Variants in STUM observed in about 807,000 individuals in gnomAD.
The protein encoded by STUM is stum, mechanosensory transduction mediator homolog, also known as protein stum homolog.
A neutral mutation model predicts 15.3 loss-of-function variants in STUM; 8 were observed. That is an observed-to-expected ratio of 0.52 (90% CI 0.31 to 0.94). The LOEUF (loss-of-function observed/expected upper bound fraction) is 0.94. STUM is among the 40% of genes least tolerant of loss of function. The pLI is 0.05. For synonymous variants in STUM, 78 were observed against 88.7 expected (o/e 0.88, Z 0.68); for missense variants, 142 against 204.9 (o/e 0.69, Z 1.87).
intron 1 of STUM, among the ~76,000 whole-genome samples, chr1:226,571,118 C>T (rs995489475): frequency 2.6e-5 from 4 of 152,088 alleles, no homozygotes; most frequent in Admixed American, 2.0e-4. Context: ...GTAATCCCAT[C>T]TATTCGGGAG....
chr1:226,549,257 C>A lies in STUM; in HGVS notation c.202+151C>A. 1.5e-6 allele frequency: 1 copy of A among 663,450 alleles called. No individual in the cohort carries two copies. Among genetic ancestry groups the A allele is most frequent in the Non-Finnish European group, 2.4e-6 (1 of 413,362 alleles). 41.1% of individuals were successfully genotyped at this position (663,450 alleles called of 1,614,324 possible). Reference sequence around the variant, plus strand: ...ACCGCCCGCTCCTGGCGTCCCCGGGCAGGTGGCAGAAGCGCGTGGAGTGTG... The same window carrying A: ...ACCGCCCGCTCCTGGCGTCCCCGGGAAGGTGGCAGAAGCGCGTGGAGTGTG... On this transcript the variant is annotated intron_variant, in intron 1 of 3. Transcript: ENST00000366788. This position sits in a 1 kb window ranked among gnomAD's most constrained non-coding sequence, Gnocchi z 6.8.
At chr1:226,572,299 C>T (rs1175549205) in intron 1 of STUM, among the ~76,000 whole-genome samples, 3 of 152,174 alleles carry the variant, frequency 2.0e-5, no homozygotes, top group South Asian at 4.1e-4. Context: ...GGGCTTTTTT[C>T]AGTCTGTTTT....
rs565721735 is a variant in STUM at position 226,560,700 on chromosome 1, G to A, written c.202+11594G>A. Among the ~76,000 whole-genome samples the A allele has an allele frequency of 6.6e-5, 10 of 152,276 alleles. No individual in the cohort carries two copies. The South Asian group carries it at 1.0e-3, about 16-fold the overall frequency. On this transcript the variant is annotated intron_variant, in intron 1 of 3. Coordinates refer to ENST00000366788, the MANE Select transcript of STUM (RefSeq NM_001003665.4). ...AGGCCAAGCTGCAGAAGGGAGCGCC[G>A]ACAGCAGATCAAATGGAAGTGGGTC...
At chr1:226,580,317 A>G (rs545591142) in intron 1 of STUM, among the ~76,000 whole-genome samples, 30 of 152,126 alleles carry the variant, frequency 2.0e-4, no homozygotes, top group Non-Finnish European at 4.0e-4. Context: ...GAAATATCCC[A>G]GAAGAGGTGT....
At position 226,549,402 on chromosome 1, in the gene STUM, T is replaced by C. The variant is rs1667333392; in HGVS notation, c.202+296T>C. On this transcript the variant is annotated intron_variant, in intron 1 of 3. Coordinates refer to ENST00000366788, the MANE Select transcript of STUM (RefSeq NM_001003665.4). This position sits in a 1 kb window ranked among gnomAD's most constrained non-coding sequence, Gnocchi z 6.8. ...GGCGGCCGGAATGGCTCTGCCGGCT[T>C]CGGAGTAGGGCTCCCGTCCCGGCGC... Among the ~76,000 whole-genome samples, 1 of 152,174 alleles carries C rather than the reference T, an allele frequency of 6.6e-6. No homozygotes were observed. The highest frequency in any genetic ancestry group is 1.5e-5 in the Non-Finnish European group (1 of 68,012).
At position 226,565,849 on chromosome 1, in the gene STUM, C is replaced by T. The variant is rs904511921; in HGVS notation, c.202+16743C>T. 6.6e-6 allele frequency among the ~76,000 whole-genome samples: 1 copy of T among 152,232 alleles called. No individual in the cohort carries two copies. The highest frequency in any genetic ancestry group is 6.5e-5 in the Admixed American group (1 of 15,288). ...CCCAGATGGCTGGAAGCATCGCTGCCTTCCCGGAATGTCATCTCCCTCTTT... is the reference window on the plus strand; with the variant it reads ...CCCAGATGGCTGGAAGCATCGCTGCTTTCCCGGAATGTCATCTCCCTCTTT... On this transcript the variant is annotated intron_variant, in intron 1 of 3. Transcript: ENST00000366788. This position sits in a 1 kb window ranked among gnomAD's most constrained non-coding sequence, Gnocchi z 4.4.
rs73098828 is a variant in STUM, at chr1:226,587,385, G to A, written c.203-9417G>A. Reference sequence around the variant, plus strand: ...TGTGGCATCCAAGAAGGCTCCTGTCGTCTTTCCTTTATGCCAGTTGGAAAA... The same window carrying A: ...TGTGGCATCCAAGAAGGCTCCTGTCATCTTTCCTTTATGCCAGTTGGAAAA... On this transcript the variant is annotated intron_variant, in intron 1 of 3. Coordinates refer to ENST00000366788, the MANE Select transcript of STUM (RefSeq NM_001003665.4). Among the ~76,000 whole-genome samples the A allele has an allele frequency of 3.9e-3, 592 of 152,184 alleles. 5 individuals are homozygous for A. Among genetic ancestry groups the A allele is most frequent in the African/African-American group, 0.013 (547 of 41,498 alleles).
Position 226,608,873 on chromosome 1 carries a change from C to G in STUM, c.*6833C>G, listed in dbSNP as rs1278598216. On this transcript the variant is annotated 3_prime_UTR_variant, in exon 4 of 4. Transcript: ENST00000366788. This position sits in a 1 kb window ranked among gnomAD's most constrained non-coding sequence, Gnocchi z 4.0. ...CCTCAGGACCCAGCCCCAGCCCCGG[C>G]AGACCTTCCCTGGGAGCTGCTTAGG... is the stretch of plus-strand genomic sequence containing the variant. 6.6e-6 allele frequency: 1 copy of G among 152,362 alleles called. No individual in the cohort carries two copies. The highest frequency in any genetic ancestry group is 6.5e-5 in the Admixed American group (1 of 15,288). 9.4% of individuals were successfully genotyped at this position (152,362 alleles called of 1,614,324 possible).
At chr1:226,585,111 G>A (rs1305369638) in intron 1 of STUM, among the ~76,000 whole-genome samples, 1 of 152,200 alleles carries the variant, frequency 6.6e-6, no homozygotes, top group Non-Finnish European at 1.5e-5. Flanking sequence ...GCGGCATAGG[G>A]ATGAGTGCCT....
chr1:226,600,797 G>A lies in STUM; in HGVS notation c.391+123G>A. 9.2e-7 allele frequency: 1 copy of A among 1,081,676 alleles called. No individual in the cohort carries two copies. Among genetic ancestry groups the A allele is most frequent in the Non-Finnish European group, 1.4e-6 (1 of 725,842 alleles). The allele number at this position is 1,081,676 out of a possible 1,614,324, so 67.0% of individuals were successfully genotyped here. ...TCCCAGTGGGTCAATGGGCTTTTAT[G>A]TTTAGCTTGAACTTTTGGTTTGGAA... On this transcript the variant is annotated intron_variant, in intron 3 of 3. Transcript: ENST00000366788. The surrounding 1 kb of genome is among the most constrained non-coding windows in gnomAD (Gnocchi z 5.2).
chr1:226,587,587 A>T (rs952161053), intron 1 of STUM, among the ~76,000 whole-genome samples: 1 of 151,964 alleles, frequency 6.6e-6, no homozygotes, highest in Non-Finnish European at 1.5e-5. Flanking sequence ...AACCCTTAGC[A>T]TTTACCCGAG....
chr1:226,581,981 G>T (rs528319729), intron 1 of STUM, among the ~76,000 whole-genome samples: 63 of 152,156 alleles, frequency 4.1e-4, no homozygotes, highest in Non-Finnish European at 3.8e-4. Flanking sequence ...ATTCCTAACT[G>T]CAGCCTTCTG....
In STUM at chr1:226,606,584, G is replaced by C. The variant is rs1311114264; in HGVS notation, c.*4544G>C. The C allele has an allele frequency of 6.6e-6, 1 of 152,198 alleles. No homozygotes were observed. Among genetic ancestry groups the C allele is most frequent in the African/African-American group, 2.4e-5 (1 of 41,452 alleles). The allele number at this position is 152,198 out of a possible 1,614,324, so 9.4% of individuals were successfully genotyped here. A position where few individuals can be genotyped will look rare whatever the true frequency, so the allele number is the denominator to read the frequency against. On this transcript the variant is annotated 3_prime_UTR_variant, in exon 4 of 4. Transcript: ENST00000366788. The stretch of plus-strand genomic sequence containing the variant: ...TTACTGTTATCCCTCCCTCTTGCTG[G>C]CTTTGCTGGAGGGCTTTTATCAGAG...
Position 226,552,259 on chromosome 1 carries a change from GAGA to G in STUM, c.202+3156_202+3158del, listed in dbSNP as rs1667385291. ...TGTCTCCTAGGGAGTGGCTGGAAAG[GAGA>G]AGTGATTTATGATCACTCCAACTCC... On this transcript the variant is annotated intron_variant, in intron 1 of 3. Coordinates refer to ENST00000366788, the MANE Select transcript of STUM (RefSeq NM_001003665.4). This position sits in a 1 kb window ranked among gnomAD's most constrained non-coding sequence, Gnocchi z 4.7. Among the ~76,000 whole-genome samples, 1 of 152,024 alleles carries G rather than the reference GAGA, an allele frequency of 6.6e-6. No homozygotes were observed. The highest frequency in any genetic ancestry group is 1.5e-5 in the Non-Finnish European group (1 of 68,016).
intron 1 of STUM, among the ~76,000 whole-genome samples, chr1:226,550,037 G>A (rs909825237): frequency 1.3e-5 from 2 of 152,132 alleles, no homozygotes; most frequent in Admixed American, 6.5e-5. Flanking sequence ...CTGCGTGCTG[G>A]GAGGTGCCCC....
chr1:226,568,927 G>A (rs1667663773), intron 1 of STUM, among the ~76,000 whole-genome samples: 1 of 117,394 alleles, frequency 8.5e-6, no homozygotes, highest in South Asian at 3.0e-4. Flanking sequence ...GAGGTGGGGT[G>A]GCAGACAGAG....
At chr1:226,601,200 C>T (rs986764634) in intron 3 of STUM, among the ~76,000 whole-genome samples, 1 of 152,024 alleles carries the variant, frequency 6.6e-6, no homozygotes, top group Non-Finnish European at 1.5e-5. Flanking sequence ...AATCTCGGCT[C>T]ACTGCAACCT....
intron 1 of STUM, among the ~76,000 whole-genome samples, chr1:226,593,047 A>T (rs1010506499): frequency 6.6e-6 from 1 of 152,166 alleles, no homozygotes; most frequent in Non-Finnish European, 1.5e-5. Flanking sequence ...TTAGCCGGGC[A>T]TGATGGTGCA....
At position 226,552,224 on chromosome 1, in the gene STUM, T is replaced by C. The variant is rs1226880273; in HGVS notation, c.202+3118T>C. On this transcript the variant is annotated intron_variant, in intron 1 of 3. Coordinates refer to ENST00000366788, the MANE Select transcript of STUM (RefSeq NM_001003665.4). This position sits in a 1 kb window ranked among gnomAD's most constrained non-coding sequence, Gnocchi z 4.7. ...CTCGGGATAACACTCATATCATGAG[T>C]GGGATGTGCTGTCTCCTAGGGAGTG... 6.6e-6 allele frequency among the ~76,000 whole-genome samples: 1 copy of C among 151,830 alleles called. No homozygotes were observed. Among genetic ancestry groups the C allele is most frequent in the Non-Finnish European group, 1.5e-5 (1 of 67,992 alleles).
Sources: gnomAD v4.1 joint callset for allele counts (sites outside exome capture counted in the v4.1 genomes callset) on GRCh38, gnomAD v4.1.1 for gene constraint, Gnocchi (gnomAD v3.1) non-coding constraint, MANE v1.5 for transcripts, NCBI Gene and HGNC (gene_info 2026-07-23, HGNC 2026-07-21) for gene names.